The following TRPM3 variants were observed in gnomAD, a reference collection of about 807,000 sequenced individuals.
TRPM3 encodes the protein transient receptor potential cation channel subfamily M member 3.
Under a neutral mutation model 181.2 loss-of-function variants are expected in TRPM3, and 77 were observed. The ratio of observed to expected loss-of-function variants is 0.42; its 90% CI spans 0.35 to 0.51. TRPM3 has a LOEUF of 0.51. TRPM3 is among the 20% of genes least tolerant of loss of function. The probability of loss-of-function intolerance (pLI) is 0.01; values close to 1 mark genes in which losing one functional copy is unlikely to be tolerated. For synonymous variants in TRPM3, 745 were observed against 796.4 expected (o/e 0.94, Z 1.09); for missense variants, 1,759 against 2,196.7 (o/e 0.80, Z 3.98).
chr9:71,293,973 T>C lies in TRPM3; in HGVS notation c.183+152680A>G, dbSNP rs1431840797. On this transcript the variant is annotated intron_variant, in intron 1 of 24. Transcript: ENST00000357533. ...TATCCAGAATAATTACAAATCCATA[T>C]AAAACACAATACAACACTGCTTCCT... 3.3e-5 allele frequency among the ~76,000 whole-genome samples: 5 copies of C among 152,058 alleles called. No homozygotes were observed. In the East Asian group the frequency reaches 9.6e-4, roughly 29 times the overall value.
At chr9:71,392,449 T>C (rs535061530) in intron 1 of TRPM3, among the ~76,000 whole-genome samples, 18 of 152,104 alleles carry the variant, frequency 1.2e-4, no homozygotes, top group Middle Eastern at 3.2e-3. Context: ...CAACTTCGAA[T>C]TGGATAACTT....
chr9:71,436,270 C>T (rs533842298), intron 1 of TRPM3, among the ~76,000 whole-genome samples: 11 of 150,632 alleles, frequency 7.3e-5, no homozygotes, highest in East Asian at 2.0e-4. Flanking sequence ...ACTGTAGGTC[C>T]GATTAAACCT....
chr9:71,254,824 G>T (rs956636505), intron 1 of TRPM3, among the ~76,000 whole-genome samples: 1 of 151,996 alleles, frequency 6.6e-6, no homozygotes, highest in Non-Finnish European at 1.5e-5. Flanking sequence ...TAAGGGCAAG[G>T]ATAGAAAAGA....
chr9:70,998,238 CA>C (rs2097563664), intron 1 of TRPM3, among the ~76,000 whole-genome samples: 1 of 141,196 alleles, frequency 7.1e-6, no homozygotes, highest in Admixed American at 7.3e-5. Flanking sequence ...TACACACACA[CA>C]CACACACACA....
intron 1 of TRPM3, among the ~76,000 whole-genome samples, chr9:70,952,334 T>C (rs1463730059): frequency 2.0e-5 from 3 of 152,200 alleles, no homozygotes; most frequent in Non-Finnish European, 4.4e-5. Flanking sequence ...CTGTTCTTAA[T>C]AGGGACTTTG....
At chr9:71,114,147 C>A (rs2071752979) in intron 1 of TRPM3, among the ~76,000 whole-genome samples, 1 of 152,142 alleles carries the variant, frequency 6.6e-6, no homozygotes, top group African/African-American at 2.4e-5. Flanking sequence ...ACCTACCTAC[C>A]TACCTATGCA....
At chr9:70,594,125 A>AAT (rs1164038670) in intron 21 of TRPM3, among the ~76,000 whole-genome samples, 2 of 150,588 alleles carry the variant, frequency 1.3e-5, no homozygotes, top group Non-Finnish European at 3.0e-5. Flanking sequence ...TAAATGTTAA[A>AAT]AAGAAAGAAA....
chr9:70,681,668 T>A, intron 8 of TRPM3, 90 bp from the exon 9 acceptor site: 1 of 1,071,126 alleles, frequency 9.3e-7, no homozygotes, highest in Non-Finnish European at 1.4e-6. Flanking sequence ...AGAGACTATC[T>A]CTATATCTAC....
chr9:70,834,194 C>T (rs2094146188), intron 5 of TRPM3, among the ~76,000 whole-genome samples: 1 of 152,158 alleles, frequency 6.6e-6, no homozygotes. Context: ...AAAGACTGCC[C>T]AGATACATTA....
intron 1 of TRPM3, among the ~76,000 whole-genome samples, chr9:71,268,477 C>T (rs1043164461): frequency 5.3e-5 from 8 of 152,054 alleles, no homozygotes; most frequent in African/African-American, 1.7e-4. Context: ...GTACTTAGAA[C>T]ACAATGCTCT....
intron 9 of TRPM3, among the ~76,000 whole-genome samples, chr9:70,658,717 GT>G (rs1406981653): frequency 2.0e-5 from 3 of 151,888 alleles, no homozygotes; most frequent in African/African-American, 7.3e-5. Context: ...TTAGAAAGTG[GT>G]TTTATAATCA....
At chr9:70,792,829 T>C (rs1016196735) in intron 6 of TRPM3, among the ~76,000 whole-genome samples, 4 of 152,112 alleles carry the variant, frequency 2.6e-5, no homozygotes, top group Non-Finnish European at 5.9e-5. Flanking sequence ...ATTTTAGACA[T>C]TGTAGGCCAA....
intron 1 of TRPM3, among the ~76,000 whole-genome samples, chr9:71,435,772 G>A (rs1228361058): frequency 6.6e-6 from 1 of 152,122 alleles, no homozygotes; most frequent in East Asian, 1.9e-4. Context: ...ATGTCAATGG[G>A]GAATAAGGTA....
At chr9:71,278,084 T>C (rs1055297244) in intron 1 of TRPM3, among the ~76,000 whole-genome samples, 2 of 152,344 alleles carry the variant, frequency 1.3e-5, no homozygotes, top group South Asian at 2.1e-4. Context: ...GCATTAAGCA[T>C]TAAGCAGTAG....
At chr9:70,677,792 G>A (rs548502703) in intron 9 of TRPM3, among the ~76,000 whole-genome samples, 2 of 152,274 alleles carry the variant, frequency 1.3e-5, no homozygotes, top group East Asian at 1.9e-4. Context: ...TGTTACAGAA[G>A]TGTCAGCTAT....
intron 8 of TRPM3, among the ~76,000 whole-genome samples, chr9:70,682,692 A>G (rs992709970): frequency 2.0e-5 from 3 of 152,160 alleles, no homozygotes; most frequent in African/African-American, 7.2e-5. Context: ...GGAAAGAAAA[A>G]TTTCCAAACA....
chr9:70,946,790 T>A (rs1564821000), intron 1 of TRPM3, among the ~76,000 whole-genome samples: 1 of 152,074 alleles, frequency 6.6e-6, no homozygotes, highest in African/African-American at 2.4e-5. Flanking sequence ...ATACACAGAA[T>A]AGTCTTGCCT....
At chr9:70,697,568 C>T (rs970973214) in intron 8 of TRPM3, among the ~76,000 whole-genome samples, 1 of 152,124 alleles carries the variant, frequency 6.6e-6, no homozygotes, top group African/African-American at 2.4e-5. Context: ...TTATAGGCTA[C>T]GATTTTCAGA....
chr9:70,975,609 C>T (rs1302172233), intron 1 of TRPM3, among the ~76,000 whole-genome samples: 3 of 152,252 alleles, frequency 2.0e-5, no homozygotes, highest in African/African-American at 7.2e-5. Context: ...CTCAGGGAAA[C>T]CTCTATTAAC....
Sources: gnomAD v4.1 joint callset for allele counts (sites outside exome capture counted in the v4.1 genomes callset) on GRCh38, gnomAD v4.1.1 for gene constraint, MANE v1.5 for transcripts, NCBI Gene and HGNC (gene_info 2026-07-23, HGNC 2026-07-21) for gene names.